Variants in CDKL3 observed in about 807,000 individuals in gnomAD.
The protein encoded by CDKL3 is cyclin dependent kinase like 3.
A neutral mutation model predicts 69.3 loss-of-function variants in CDKL3; 65 were observed. That is an observed-to-expected ratio of 0.94 (90% confidence interval 0.77 to 1.15). CDKL3 has a LOEUF of 1.15. CDKL3 is among the 50% of genes most tolerant of loss of function. CDKL3 has a pLI of 0.00. For missense variants in CDKL3, 652 were observed against 689.2 expected, an observed-to-expected ratio of 0.95 and a Z score of 0.61; for synonymous variants, 202 against 221.6, an observed-to-expected ratio of 0.91 and a Z score of 0.79.
intron 4 of CDKL3, among the ~76,000 whole-genome samples, chr5:134,323,363 T>C (rs888130304): frequency 1.3e-5 from 2 of 152,222 alleles, no homozygotes; most frequent in Non-Finnish European, 2.9e-5. Flanking sequence ...GGAAATTGTT[T>C]TGTAGATATT....
At chr5:134,333,340 T>G (rs1776261806) in intron 4 of CDKL3, among the ~76,000 whole-genome samples, 1 of 152,220 alleles carries the variant, frequency 6.6e-6, no homozygotes, top group African/African-American at 2.4e-5. Flanking sequence ...TGGCCAGAAC[T>G]TCCAATACTG....
At chr5:134,329,982 T>C (rs578159107) in intron 4 of CDKL3, among the ~76,000 whole-genome samples, 2 of 150,546 alleles carry the variant, frequency 1.3e-5, no homozygotes, top group East Asian at 4.0e-4. Context: ...TGCACTCCAG[T>C]CTGGGCAACA....
intron 4 of CDKL3, among the ~76,000 whole-genome samples, chr5:134,326,823 A>ATATATGTGTGTG (rs1774379127): frequency 2.9e-5 from 3 of 105,062 alleles, no homozygotes; most frequent in Non-Finnish European, 5.1e-5. Context: ...GTGTGTATAT[A>ATATATGTGTGTG]TATATATATA....
At chr5:134,367,292 A>T, upstream of CDKL3, 1 of 976,536 alleles carries the variant, frequency 1.0e-6, no homozygotes, top group Non-Finnish European at 1.2e-6. Flanking sequence ...GGAATGGGGG[A>T]GGGGAGTACA....
intron 4 of CDKL3, among the ~76,000 whole-genome samples, chr5:134,324,552 A>T (rs992362044): frequency 6.6e-6 from 1 of 152,276 alleles, no homozygotes. Context: ...AAAAAAAAGG[A>T]GGAACCTTAA....
chr5:134,339,542 G>A (rs897950353), intron 4 of CDKL3, among the ~76,000 whole-genome samples: 4 of 152,006 alleles, frequency 2.6e-5, no homozygotes, highest in Non-Finnish European at 5.9e-5. Flanking sequence ...GAGAAAATAT[G>A]AACAACATGA....
chr5:134,303,678 C>CG (rs1715557565), intron 11 of CDKL3, among the ~76,000 whole-genome samples: 1 of 149,082 alleles, frequency 6.7e-6, no homozygotes, highest in African/African-American at 2.5e-5. Context: ...ACCCCCCCCC[C>CG]GTCTCTACTA....
At chr5:134,362,717 C>T (rs753221675) in intron 2 of CDKL3, among the ~76,000 whole-genome samples, 1 of 151,796 alleles carries the variant, frequency 6.6e-6, no homozygotes, top group Non-Finnish European at 1.5e-5. Context: ...TCACATGAAG[C>T]CAGGAGTTCT....
intron 5 of CDKL3, 143 bp downstream of exon 5, chr5:134,321,648 C>T: frequency 5.4e-6 from 3 of 556,410 alleles, no homozygotes. Context: ...CTTTATCAGC[C>T]CAAGGAACCC....
rs762483783 is a variant in CDKL3, at chr5:134,312,323, C to G, written c.850G>C (p.Glu284Gln). 6.3e-7 allele frequency: 1 copy of G among 1,597,404 alleles called. No homozygotes were observed. The highest frequency in any genetic ancestry group is 8.5e-7 in the Non-Finnish European group (1 of 1,171,738). Residue 284 changes from glutamate (E) to glutamine (Q), a missense_variant, in exon 7 of 13, where the codon GAG (glutamate) becomes CAG (glutamine). Glu to Gln is a conservative substitution (Grantham distance 29, BLOSUM62 2). Transcript: ENST00000265334. ...RISSSDLLHH[E>Q]YFTRDGFIEK... Reference sequence around the variant, plus strand: ...ATAAATCCATCTCTAGTAAAATACTCATGATGCAAAAGATCACTAGATGAT... The same window carrying G: ...ATAAATCCATCTCTAGTAAAATACTGATGATGCAAAAGATCACTAGATGAT...
At chr5:134,310,819 G>C (rs1431402291) in intron 7 of CDKL3, among the ~76,000 whole-genome samples, 2 of 152,160 alleles carry the variant, frequency 1.3e-5, no homozygotes, top group Non-Finnish European at 2.9e-5. Context: ...CTTATTGTTT[G>C]TTTTAGAGTA....
chr5:134,323,031 A>T (rs1773212580), intron 4 of CDKL3, among the ~76,000 whole-genome samples: 1 of 152,096 alleles, frequency 6.6e-6, no homozygotes, highest in Non-Finnish European at 1.5e-5. Context: ...GCTGAAATGG[A>T]ATGATCTCCA....
Position 134,319,367 on chromosome 5 carries a change from A to G in CDKL3, c.783T>C (p.Asp261=). ...AAAAAAAAAAACATACATGAACTAT[A>G]TCTGCCAACAATCCATTAAGCTTTG... is the stretch of plus-strand genomic sequence containing the variant. ...KYPKLNGLLA[D]IVHACLQIDP... is the part of the protein sequence containing the mutation. Residue 261 remains aspartate (D), a synonymous_variant, in exon 6 of 13, where the codon GAT becomes GAC. Coordinates refer to ENST00000265334, the MANE Select transcript of CDKL3 (RefSeq NM_001113575.2). 1 of 1,515,054 alleles carries G rather than the reference A, an allele frequency of 6.6e-7. No homozygotes were observed. The allele number at this position is 1,515,054 out of a possible 1,614,324, so 93.9% of individuals were successfully genotyped here.
At chr5:134,284,166 A>T (rs1764748618), downstream of CDKL3, among the ~76,000 whole-genome samples, 1 of 152,124 alleles carries the variant, frequency 6.6e-6, no homozygotes, top group South Asian at 2.1e-4. Context: ...TAGTGGGGGA[A>T]CCAGCCCCCA....
downstream of CDKL3, among the ~76,000 whole-genome samples, chr5:134,296,599 G>A (rs894081862): frequency 6.6e-6 from 1 of 152,174 alleles, no homozygotes; most frequent in African/African-American, 2.4e-5. Flanking sequence ...GACAGTTTGT[G>A]CAGCCTCTAT....
At chr5:134,364,416 CT>C (rs1259311054) in intron 2 of CDKL3, among the ~76,000 whole-genome samples, 1 of 152,198 alleles carries the variant, frequency 6.6e-6, no homozygotes, top group African/African-American at 2.4e-5. Flanking sequence ...AACCATGTCT[CT>C]TTTGAGTCTT....
chr5:134,332,863 G>C (rs568577542), intron 4 of CDKL3, among the ~76,000 whole-genome samples: 9 of 152,176 alleles, frequency 5.9e-5, no homozygotes, highest in Non-Finnish European at 1.0e-4. Flanking sequence ...GGATAGCATT[G>C]AATCTATAAA....
intron 4 of CDKL3, among the ~76,000 whole-genome samples, chr5:134,324,004 A>C (rs770711415): frequency 5.9e-5 from 9 of 152,240 alleles, no homozygotes; most frequent in Non-Finnish European, 1.2e-4. Context: ...AAATTCAATA[A>C]GAAAATAACC....
intron 8 of CDKL3, 27 bp downstream of exon 8, chr5:134,308,547 G>T (rs367613711): frequency 6.4e-7 from 1 of 1,559,764 alleles, no homozygotes; most frequent in Non-Finnish European, 8.6e-7. Flanking sequence ...TAATTATACT[G>T]GCTGAAACAA....
Sources: allele counts gnomAD v4.1 joint callset (sites outside exome capture counted in the v4.1 genomes callset), GRCh38; gene constraint gnomAD v4.1.1; transcripts MANE v1.5; gene names NCBI Gene and HGNC (gene_info 2026-07-23, HGNC 2026-07-21).